Variants in IDI1 observed in about 807,000 individuals in gnomAD.
IDI1 encodes the protein isopentenyl-diphosphate delta isomerase 1, also known as isopentenyl-diphosphate Delta-isomerase 1.
Under a neutral mutation model 32.9 loss-of-function variants are expected in IDI1, and 23 were observed. The observed-to-expected ratio is 0.70, with a 90% confidence interval of 0.50 to 0.99. The LOEUF (loss-of-function observed/expected upper bound fraction) is 0.99. Among genes scored for constraint, IDI1 ranks in the 50% least tolerant of loss-of-function variants. The probability of loss-of-function intolerance (pLI) is 0.00; values close to 1 mark genes in which losing one functional copy is unlikely to be tolerated. For synonymous variants in IDI1, 133 were observed against 128.2 expected (o/e 1.04, Z -0.25); for missense variants, 326 against 351.9 (o/e 0.93, Z 0.59).
At chr10:1,051,396 G>A (rs1833010135), upstream of IDI1, among the ~76,000 whole-genome samples, 1 of 152,194 alleles carries the variant, frequency 6.6e-6, no homozygotes, top group Non-Finnish European at 1.5e-5. Context: ...TATGTTCCTT[G>A]AAGTGGCACG....
chr10:1,044,988 A>C (rs1253665003), intron 1 of IDI1, among the ~76,000 whole-genome samples: 1 of 152,240 alleles, frequency 6.6e-6, no homozygotes, highest in Non-Finnish European at 1.5e-5. Flanking sequence ...GCCAATATTT[A>C]TGGACACTGA....
chr10:1,049,476 C>CCCCCCCCCCCCG (rs1832929850), upstream of IDI1: 1 of 132,514 alleles, frequency 7.5e-6, no homozygotes, highest in Non-Finnish European at 1.8e-5. Flanking sequence ...CCCCCCTCCC[C>CCCCCCCCCCCCG]CCCCCCGAGT....
At chr10:1,049,584 G>C (rs1184850298), upstream of IDI1, 1 of 153,772 alleles carries the variant, frequency 6.5e-6, no homozygotes, top group African/African-American at 2.4e-5. Flanking sequence ...CCAAGGCGGA[G>C]CAAAGTCGCC....
chr10:1,047,899 A>T (rs1388394809), intron 1 of IDI1, among the ~76,000 whole-genome samples: 1 of 152,226 alleles, frequency 6.6e-6, no homozygotes, highest in Admixed American at 6.5e-5. Context: ...AATATTTTAT[A>T]ATGTGCAGTT....
At chr10:1,043,736 TG>T in intron 2 of IDI1, 1 of 658,666 alleles carries the variant, frequency 1.5e-6, no homozygotes, top group Non-Finnish European at 2.8e-6. Flanking sequence ...GCTAGGCTGC[TG>T]CTGTATGTCA....
At position 1,039,823 on chromosome 10, in the gene IDI1, T is replaced by A. The variant is rs1832496817; in HGVS notation, c.*1364A>T. On this transcript the variant is annotated 3_prime_UTR_variant, in exon 5 of 5. Coordinates refer to ENST00000381344, the MANE Select transcript of IDI1 (RefSeq NM_004508.4). ...TTCCTAGAAAATAAAACTAAAAAAA[T>A]TAGAAACAATATTATAAATGCAACG... 1 of 152,178 alleles carries A rather than the reference T, an allele frequency of 6.6e-6. No homozygotes were observed. The highest frequency in any genetic ancestry group is 2.1e-4 in the South Asian group (1 of 4,834). 9.4% of individuals were successfully genotyped at this position (152,178 alleles called of 1,614,324 possible). A position where few individuals can be genotyped will look rare whatever the true frequency, so the allele number is the denominator to read the frequency against.
intron 1 of IDI1, 161 bp downstream of exon 1, chr10:1,048,703 C>T (rs921475287): frequency 1.1e-5 from 15 of 1,422,486 alleles, no homozygotes; most frequent in African/African-American, 1.5e-5. Flanking sequence ...CCCGGCCTCC[C>T]TCCAGTTCGG....
At chr10:1,051,380 G>A (rs1187801043), upstream of IDI1, among the ~76,000 whole-genome samples, 1 of 152,182 alleles carries the variant, frequency 6.6e-6, no homozygotes. Flanking sequence ...AACAAGTACT[G>A]AGAATTATGT....
At chr10:1,046,375 TTG>T (rs1229607026) in intron 1 of IDI1, among the ~76,000 whole-genome samples, 1 of 152,204 alleles carries the variant, frequency 6.6e-6, no homozygotes, top group African/African-American at 2.4e-5. Flanking sequence ...ATACTTGCTG[TTG>T]TGTTACAACT....
At chr10:1,052,023 C>A (rs558841428), upstream of IDI1, among the ~76,000 whole-genome samples, 2 of 152,294 alleles carry the variant, frequency 1.3e-5, no homozygotes, top group South Asian at 4.1e-4. Context: ...TGGGCGTGTG[C>A]CACCATGCCC....
intron 1 of IDI1, among the ~76,000 whole-genome samples, chr10:1,044,738 G>C (rs1832748157): frequency 6.6e-6 from 1 of 152,046 alleles, no homozygotes; most frequent in Non-Finnish European, 1.5e-5. Context: ...CAAGCTCCTG[G>C]GTTATCAGAA....
intron 1 of IDI1, 67 bp from the exon 2 acceptor site, chr10:1,044,238 T>C: frequency 1.7e-6 from 2 of 1,196,084 alleles, no homozygotes; most frequent in Non-Finnish European, 1.2e-6. Flanking sequence ...TAAACACAGG[T>C]TAATAATGAT....
chr10:1,048,417 C>T lies in IDI1; in HGVS notation c.140+447G>A, dbSNP rs553966937. 4.6e-6 allele frequency: 6 copies of T among 1,299,168 alleles called. No homozygotes were observed. In the African/African-American group the frequency reaches 7.6e-5, roughly 16 times the overall value. 80.5% of individuals were successfully genotyped at this position (1,299,168 alleles called of 1,614,324 possible). On this transcript the variant is annotated intron_variant, in intron 1 of 4. Transcript: ENST00000381344. ...CTTGCACGGACGCAGGTGTATGCAC[C>T]CGCGTCACACGCGTGGACTCGGCAC...
chr10:1,043,939 C>G (rs1286255879), intron 2 of IDI1, 60 bp downstream of exon 2: 1 of 1,436,568 alleles, frequency 7.0e-7, no homozygotes, highest in Admixed American at 1.9e-5. Context: ...GTGCTCTTCT[C>G]AGCAAATCGG....
the IDI1 span, among the ~76,000 whole-genome samples, chr10:1,056,082 C>A: frequency 6.6e-6 from 1 of 152,148 alleles, no homozygotes; most frequent in African/African-American, 2.4e-5. Context: ...GTTGGGATTA[C>A]AGGCGTGAGC....
upstream of IDI1, chr10:1,049,775 C>T (rs1832944392): frequency 6.6e-6 from 1 of 152,276 alleles, no homozygotes; most frequent in Non-Finnish European, 1.5e-5. Context: ...CCGTCTCAGC[C>T]TCCCAAGTAG....
intron 1 of IDI1, chr10:1,048,512 G>A (rs1307572355): frequency 5.6e-6 from 7 of 1,259,070 alleles, no homozygotes; most frequent in Non-Finnish European, 1.0e-6. Flanking sequence ...ATTCTCTAAG[G>A]GGAGACTCGC....
rs142269415 is a variant in IDI1 at position 1,042,453 on chromosome 10, A to G, written c.537+179T>C. On this transcript the variant is annotated intron_variant, in intron 4 of 4. Coordinates refer to ENST00000381344, the MANE Select transcript of IDI1 (RefSeq NM_004508.4). ...TCCCCGTATTGAGCTAAGTTTTGACAAGTGATATTAAGAAATTAAAATTTA... is the reference window on the plus strand; with the variant it reads ...TCCCCGTATTGAGCTAAGTTTTGACGAGTGATATTAAGAAATTAAAATTTA... 3.8e-3 allele frequency: 2,336 copies of G among 618,576 alleles called. 63 individuals carry two copies. The Admixed American group carries it at 0.043, about 11-fold the overall frequency. 38.3% of individuals were successfully genotyped at this position (618,576 alleles called of 1,614,324 possible). A position where few individuals can be genotyped will look rare whatever the true frequency, so the allele number is the denominator to read the frequency against.
chr10:1,040,991 G>A lies in IDI1; in HGVS notation c.*196C>T, dbSNP rs958548614. On this transcript the variant is annotated 3_prime_UTR_variant, in exon 5 of 5. Transcript: ENST00000381344. ...CTTAGAAACAGAACACATATCCAGG[G>A]TGTGTGATACAAAATTATAAGTTAG... is the stretch of plus-strand genomic sequence containing the variant. 3.1e-5 allele frequency: 15 copies of A among 491,710 alleles called. No individual in the cohort carries two copies. The highest frequency in any genetic ancestry group is 9.7e-5 in the African/African-American group (5 of 51,434). The allele number at this position is 491,710 out of a possible 1,614,324, so 30.5% of individuals were successfully genotyped here. A position where few individuals can be genotyped will look rare whatever the true frequency, so the allele number is the denominator to read the frequency against.
Sources: allele counts gnomAD v4.1 joint callset (sites outside exome capture counted in the v4.1 genomes callset), GRCh38; gene constraint gnomAD v4.1.1; transcripts MANE v1.5; gene names NCBI Gene and HGNC (gene_info 2026-07-23, HGNC 2026-07-21).